The following NAV2 variants were observed in gnomAD, a reference collection of about 807,000 sequenced individuals.
NAV2 encodes helicase, APC down-regulated 1.
A neutral mutation model predicts 223.2 loss-of-function variants in NAV2; 54 were observed. The observed-to-expected ratio is 0.24, with a 90% CI of 0.19 to 0.30. NAV2 has a LOEUF of 0.30. Among genes scored for constraint, NAV2 ranks in the 10% least tolerant of loss-of-function variants. NAV2 has a pLI of 1.00. For synonymous variants in NAV2, 1,279 were observed against 1,239.3 expected, an observed-to-expected ratio of 1.03 and a Z score of -0.67; for missense variants, 2,806 against 3,147.5, an observed-to-expected ratio of 0.89 and a Z score of 2.60.
chr11:19,894,276 T>G (rs140381431), intron 6 of NAV2, among the ~76,000 whole-genome samples: 149 of 152,284 alleles, frequency 9.8e-4, no homozygotes, highest in Middle Eastern at 3.4e-3. Context: ...GTGCTTTCCC[T>G]GGAAGTGGGA....
chr11:19,575,452 C>G (rs1232652878), intron 1 of NAV2: 1 of 153,634 alleles, frequency 6.5e-6, no homozygotes, highest in East Asian at 1.9e-4. Flanking sequence ...CCACGGTGCT[C>G]CACGCCTGGC....
chr11:19,880,394 C>G (rs2153089479), intron 5 of NAV2, among the ~76,000 whole-genome samples: 1 of 152,326 alleles, frequency 6.6e-6, no homozygotes, highest in Middle Eastern at 3.4e-3. Context: ...GCCTATTACA[C>G]ACATGCTCGT....
At chr11:20,087,715 A>G (rs1259907576) in intron 26 of NAV2, among the ~76,000 whole-genome samples, 1 of 152,200 alleles carries the variant, frequency 6.6e-6, no homozygotes, top group African/African-American at 2.4e-5. Context: ...TTGAGCGCCT[A>G]GTGGGTATAG....
At chr11:20,076,258 T>C (rs990879649) in intron 22 of NAV2, among the ~76,000 whole-genome samples, 1 of 152,238 alleles carries the variant, frequency 6.6e-6, no homozygotes, top group Non-Finnish European at 1.5e-5. Flanking sequence ...TCCCTTCCCC[T>C]GTACTACACT....
At chr11:20,069,026 G>T (rs1305874736) in intron 22 of NAV2, among the ~76,000 whole-genome samples, 1 of 151,946 alleles carries the variant, frequency 6.6e-6, no homozygotes, top group East Asian at 1.9e-4. Context: ...AAAGGGAGGA[G>T]GTGGCAGTGG....
At chr11:19,915,947 G>A (rs746070615) in intron 6 of NAV2, among the ~76,000 whole-genome samples, 9 of 152,220 alleles carry the variant, frequency 5.9e-5, no homozygotes, top group Non-Finnish European at 1.3e-4. Flanking sequence ...GAGCCACACA[G>A]ATGTATACCT....
intron 11 of NAV2, among the ~76,000 whole-genome samples, chr11:20,002,420 G>A (rs1033063660): frequency 6.6e-6 from 1 of 152,124 alleles, no homozygotes; most frequent in Non-Finnish European, 1.5e-5. Flanking sequence ...CTAAAGGAAG[G>A]GACAGCGCAG....
chr11:20,027,300 C>G (rs900581151), intron 11 of NAV2: 6 of 979,468 alleles, frequency 6.1e-6, no homozygotes, highest in Non-Finnish European at 7.2e-6. Context: ...TCGTTCCGCT[C>G]GGGCCCCGGG....
intron 1 of NAV2, among the ~76,000 whole-genome samples, chr11:19,796,751 CA>C (rs2057928480): frequency 6.6e-6 from 1 of 152,224 alleles, no homozygotes; most frequent in Admixed American, 6.5e-5. Context: ...TGCCCCTACA[CA>C]CCCCGAGCAG....
intron 1 of NAV2, among the ~76,000 whole-genome samples, chr11:19,642,897 G>A (rs1050566423): frequency 1.3e-5 from 2 of 152,180 alleles, no homozygotes; most frequent in Admixed American, 6.5e-5. Flanking sequence ...GAGAAAGTGG[G>A]CAGCTTGCAG....
intron 1 of NAV2, among the ~76,000 whole-genome samples, chr11:19,507,612 AG>A (rs1564996937): frequency 6.6e-6 from 1 of 152,210 alleles, no homozygotes; most frequent in Admixed American, 6.5e-5. Context: ...CCAAAGTTGG[AG>A]GAACATTGAA....
intron 11 of NAV2, among the ~76,000 whole-genome samples, chr11:20,023,629 A>C (rs2054726630): frequency 6.6e-6 from 1 of 151,334 alleles, no homozygotes; most frequent in Non-Finnish European, 1.5e-5. Flanking sequence ...AAAGACTTGC[A>C]GTTGGAGGTT....
At chr11:19,407,795 C>A (rs2133367823) in intron 1 of NAV2, among the ~76,000 whole-genome samples, 1 of 151,550 alleles carries the variant, frequency 6.6e-6, no homozygotes, top group African/African-American at 2.4e-5. Context: ...TTTGTCCAAT[C>A]AGCACTGTCT....
intron 23 of NAV2, 80 bp from the exon 24 acceptor site, chr11:20,077,913 G>T: frequency 8.8e-7 from 1 of 1,138,102 alleles, no homozygotes; most frequent in East Asian, 2.5e-5. Context: ...CGCTCCTCCT[G>T]TGTTGAAGCC....
At chr11:19,718,352 T>C (rs77209704) in intron 1 of NAV2, among the ~76,000 whole-genome samples, 5,184 of 152,296 alleles carry the variant, frequency 0.034, 282 homozygotes, top group African/African-American at 0.12. Flanking sequence ...AAAAAATATA[T>C]ACATATATAA....
At chr11:19,886,910 C>T (rs769186756) in intron 5 of NAV2, among the ~76,000 whole-genome samples, 1 of 152,164 alleles carries the variant, frequency 6.6e-6, no homozygotes, top group Non-Finnish European at 1.5e-5. Flanking sequence ...GCTTTTGTCT[C>T]TGCTGAGGCC....
intron 1 of NAV2, among the ~76,000 whole-genome samples, chr11:19,819,627 C>T (rs1382470679): frequency 1.3e-5 from 2 of 152,128 alleles, no homozygotes; most frequent in Admixed American, 1.3e-4. Flanking sequence ...CCAGCTGATG[C>T]ACTTGAAGGC....
intron 1 of NAV2, among the ~76,000 whole-genome samples, chr11:19,622,779 T>G (rs2047040389): frequency 6.6e-6 from 1 of 152,228 alleles, no homozygotes; most frequent in African/African-American, 2.4e-5. Flanking sequence ...AGGTTAATAT[T>G]GTCATGTATG....
At chr11:19,464,509 C>A (rs1852279942) in intron 1 of NAV2, among the ~76,000 whole-genome samples, 1 of 152,192 alleles carries the variant, frequency 6.6e-6, no homozygotes, top group African/African-American at 2.4e-5. Flanking sequence ...CCTGGGCAAC[C>A]TTGGGCAAGT....
Sources: gnomAD v4.1 joint callset for allele counts (sites outside exome capture counted in the v4.1 genomes callset) on GRCh38, gnomAD v4.1.1 for gene constraint, MANE v1.5 for transcripts, NCBI Gene and HGNC (gene_info 2026-07-23, HGNC 2026-07-21) for gene names.